Variants in SIK3 observed in about 807,000 individuals in gnomAD.
SIK3 encodes the protein serine/threonine-protein kinase SIK3.
SIK3 carries 28 observed loss-of-function variants against 144.2 expected under a neutral mutation model. That is an observed-to-expected ratio of 0.19 (90% CI 0.14 to 0.27). SIK3 has a LOEUF of 0.27. SIK3 is among the 10% of genes least tolerant of loss of function. SIK3 has a pLI of 1.00. For missense variants in SIK3, 1,319 were observed against 1,776.0 expected (o/e 0.74, Z 4.62); for synonymous variants, 686 against 676.3 (o/e 1.01, Z -0.22).
chr11:117,055,053 C>T (rs573446343), intron 1 of SIK3, among the ~76,000 whole-genome samples: 3 of 152,268 alleles, frequency 2.0e-5, no homozygotes, highest in African/African-American at 4.8e-5. Context: ...CATTATCACC[C>T]TTTCATAAAT....
rs1365862434 is a variant in SIK3, at chr11:116,922,914, T to C, written c.616+4305A>G. 2.0e-3 allele frequency among the ~76,000 whole-genome samples: 181 copies of C among 89,962 alleles called. 5 individuals carry two copies. Among genetic ancestry groups the C allele is most frequent in the African/African-American group, 7.8e-3 (161 of 20,768 alleles). The allele number at this position is 89,962 out of a possible 152,430, so 59.0% of individuals were successfully genotyped here. On this transcript the variant is annotated intron_variant, in intron 4 of 24. Transcript: ENST00000445177. ...TTTCTCCTTTTCTTTTCTCTTTTTT[T>C]TTTTTTTTTTTTTTTTTTTTGAGAT...
At chr11:117,009,635 A>G (rs1951180003) in intron 1 of SIK3, among the ~76,000 whole-genome samples, 1 of 152,212 alleles carries the variant, frequency 6.6e-6, no homozygotes, top group Non-Finnish European at 1.5e-5. Context: ...CAATTCATAA[A>G]TACCATAAAA....
At chr11:117,023,460 T>C (rs79237426) in intron 1 of SIK3, among the ~76,000 whole-genome samples, 4,110 of 149,874 alleles carry the variant, frequency 0.027, 185 homozygotes, top group African/African-American at 0.093. Context: ...TCGCTCAAGC[T>C]GGAATCACAA....
At chr11:117,086,690 C>CA (rs748882909) in intron 1 of SIK3, among the ~76,000 whole-genome samples, 517 of 125,462 alleles carry the variant, frequency 4.1e-3, no homozygotes, top group Middle Eastern at 0.022. Context: ...GACTCCGTCT[C>CA]AAAAAAAAAA....
At chr11:117,077,230 C>T (rs576442837) in intron 1 of SIK3, among the ~76,000 whole-genome samples, 5 of 152,278 alleles carry the variant, frequency 3.3e-5, no homozygotes, top group African/African-American at 1.2e-4. Context: ...GCAGCTAATG[C>T]TACCTCCATT....
intron 4 of SIK3, among the ~76,000 whole-genome samples, chr11:116,916,691 T>C (rs1205938152): frequency 2.6e-5 from 4 of 151,368 alleles, no homozygotes; most frequent in Admixed American, 6.6e-5. Context: ...TTTGTATTTT[T>C]AGTAGAGACG....
intron 1 of SIK3, among the ~76,000 whole-genome samples, chr11:117,021,228 G>T (rs4319540): frequency 6.6e-6 from 1 of 152,148 alleles, no homozygotes; most frequent in Non-Finnish European, 1.5e-5. Context: ...GTTTCTACAC[G>T]AGAGAAGAAA....
chr11:117,030,067 A>C (rs187990033), intron 1 of SIK3, among the ~76,000 whole-genome samples: 1 of 152,304 alleles, frequency 6.6e-6, no homozygotes, highest in Non-Finnish European at 1.5e-5. Context: ...GAGGAGAGCC[A>C]AGAAAAAGTG....
intron 16 of SIK3, among the ~76,000 whole-genome samples, 189 bp downstream of exon 16, chr11:116,863,479 T>G (rs561170495): frequency 1.3e-5 from 2 of 152,208 alleles, no homozygotes; most frequent in Non-Finnish European, 2.9e-5. Context: ...TCCTCCCACG[T>G]TGGCCTCCCA....
At chr11:116,884,756 T>C (rs1944728237) in intron 6 of SIK3, among the ~76,000 whole-genome samples, 1 of 152,150 alleles carries the variant, frequency 6.6e-6, no homozygotes, top group African/African-American at 2.4e-5. Flanking sequence ...GGATTACAGG[T>C]GCATGCCACC....
intron 3 of SIK3, among the ~76,000 whole-genome samples, chr11:116,940,317 C>T (rs1161449462): frequency 6.6e-6 from 1 of 151,124 alleles, no homozygotes; most frequent in Non-Finnish European, 1.5e-5. Flanking sequence ...GCAACCTCTG[C>T]CTCCCATATT....
intron 1 of SIK3, among the ~76,000 whole-genome samples, chr11:117,009,326 G>T (rs1951167112): frequency 6.6e-6 from 1 of 151,400 alleles, no homozygotes; most frequent in South Asian, 2.1e-4. Context: ...AGGGAAGATT[G>T]CTTGAGCCCA....
chr11:116,988,955 A>C (rs1950411953), intron 1 of SIK3, among the ~76,000 whole-genome samples: 1 of 150,598 alleles, frequency 6.6e-6, no homozygotes, highest in Non-Finnish European at 1.5e-5. Flanking sequence ...AAAACAAAAC[A>C]AAAAAAAACC....
rs573053393 is a variant in SIK3, at chr11:117,047,258, T to C, written c.273+50885A>G. ...GAGATGCATCTCTTAATAAGATGTA[T>C]GGAGGAAGATACCTTGATAAAAGGA... On this transcript the variant is annotated intron_variant, in intron 1 of 24. Coordinates refer to ENST00000445177, the MANE Select transcript of SIK3 (RefSeq NM_001366686.3). Among the ~76,000 whole-genome samples the C allele has an allele frequency of 1.4e-4, 21 of 152,288 alleles. No individual in the cohort carries two copies. The South Asian group carries it at 1.9e-3, about 14-fold the overall frequency.
At chr11:117,084,631 AC>A (rs1954929696) in intron 1 of SIK3, among the ~76,000 whole-genome samples, 1 of 152,170 alleles carries the variant, frequency 6.6e-6, no homozygotes, top group South Asian at 2.1e-4. Flanking sequence ...ACCTATTTAT[AC>A]CAGTTGCTCA....
At chr11:117,038,359 C>CTTTTT (rs372851873) in intron 1 of SIK3, among the ~76,000 whole-genome samples, 2 of 142,182 alleles carry the variant, frequency 1.4e-5, no homozygotes, top group Admixed American at 7.0e-5. Context: ...CTACAAGATA[C>CTTTTT]TTTTTTTTTT....
At chr11:116,920,496 C>T (rs1946903567) in intron 4 of SIK3, among the ~76,000 whole-genome samples, 1 of 152,166 alleles carries the variant, frequency 6.6e-6, no homozygotes, top group South Asian at 2.1e-4. Flanking sequence ...TTTGTCACAG[C>T]CCTATGAGAG....
At chr11:116,863,976 C>T (rs1943492289) in intron 15 of SIK3, 158 bp from the exon 16 acceptor site, 1 of 671,898 alleles carries the variant, frequency 1.5e-6, no homozygotes. Context: ...TCAGTCGTTT[C>T]CCTAGCCTGC....
rs946081596 is a variant in SIK3 at position 116,846,123 on chromosome 11, C to T, written c.*13+260G>A. ...TGAAGGCTAGAGCACCTGTAACACA[C>T]GGCGAGTCTTGTGTCTTATTCCCAT... On this transcript the variant is annotated intron_variant, in intron 24 of 24. Coordinates refer to ENST00000445177, the MANE Select transcript of SIK3 (RefSeq NM_001366686.3). The surrounding 1 kb of genome is among the most constrained non-coding windows in gnomAD (Gnocchi z 4.1). Among the ~76,000 whole-genome samples, 12 of 152,228 alleles carry T rather than the reference C, an allele frequency of 7.9e-5. No homozygotes were observed. Among genetic ancestry groups the T allele is most frequent in the African/African-American group, 1.7e-4 (7 of 41,452 alleles).
Sources: gnomAD v4.1 joint callset for allele counts (sites outside exome capture counted in the v4.1 genomes callset) on GRCh38, gnomAD v4.1.1 for gene constraint, Gnocchi (gnomAD v3.1) non-coding constraint, MANE v1.5 for transcripts, NCBI Gene and HGNC (gene_info 2026-07-23, HGNC 2026-07-21) for gene names.